The following MTMR8 variants were observed in gnomAD, a reference collection of about 807,000 sequenced individuals.
The protein encoded by MTMR8 is phosphatidylinositol-3,5-bisphosphate 3-phosphatase MTMR8.
In MTMR8, 65 loss-of-function variants were observed where a neutral mutation model predicts 39.3. The ratio of observed to expected loss-of-function variants is 1.65; its 90% CI spans 1.35 to 2.03. MTMR8 has a LOEUF of 2.03. Among genes scored for constraint, MTMR8 ranks in the 30% most tolerant of loss-of-function variants. The pLI is 0.00. For synonymous variants in MTMR8, 245 were observed against 185.2 expected (o/e 1.32, Z -2.62); for missense variants, 777 against 538.9 (o/e 1.44, Z -4.37).
intron 12 of MTMR8, among the ~76,000 whole-genome samples, chrX:64,314,453 T>A (rs777102536): frequency 7.1e-5 from 8 of 112,125 alleles, no homozygotes; most frequent in Non-Finnish European, 1.3e-4. Flanking sequence ...AGGGCACTGG[T>A]GGGTGCAGGA....
chrX:64,278,460 GTTTTTTTTTTTT>G lies in MTMR8; in HGVS notation c.1482-7399_1482-7388del, dbSNP rs56132040. 6.5e-4 allele frequency among the ~76,000 whole-genome samples: 16 copies of G among 24,692 alleles called. No homozygotes were observed. The East Asian group carries it at 0.028, about 43-fold the overall frequency. 21.4% of individuals were successfully genotyped at this position (24,692 alleles called of 115,157 possible). A position where few individuals can be genotyped will look rare whatever the true frequency, so the allele number is the denominator to read the frequency against. On this transcript the variant is annotated intron_variant, in intron 12 of 13. Coordinates refer to ENST00000374852, the MANE Select transcript of MTMR8 (RefSeq NM_017677.4). Reference sequence around the variant, plus strand: ...GATGTTGATGCTATTTATTTTGCTGGTTTTTTTTTTTTTTTTTTTTTTTTTTTTTTTGAGATG... The same window carrying G: ...GATGTTGATGCTATTTATTTTGCTGGTTTTTTTTTTTTTTTTTTTGAGATG...
intron 1 of MTMR8, among the ~76,000 whole-genome samples, chrX:64,387,093 C>A (rs1924579691): frequency 9.0e-6 from 1 of 111,037 alleles, no homozygotes; most frequent in Admixed American, 9.5e-5. Flanking sequence ...CCCTGCTAGA[C>A]AAAGTGTATT....
intron 1 of MTMR8, among the ~76,000 whole-genome samples, chrX:64,378,388 T>C (rs1186936068): frequency 9.0e-6 from 1 of 111,288 alleles, no homozygotes; most frequent in Non-Finnish European, 1.9e-5. Flanking sequence ...GCCAACATAA[T>C]TTTTTAACTT....
intron 12 of MTMR8, among the ~76,000 whole-genome samples, chrX:64,301,080 T>A (rs1245223319): frequency 9.4e-5 from 10 of 105,924 alleles, no homozygotes; most frequent in African/African-American, 3.4e-4. Context: ...TTGAGGAGTA[T>A]CTTTGTGGCG....
chrX:64,373,847 G>C, intron 1 of MTMR8, among the ~76,000 whole-genome samples: 1 of 111,282 alleles, frequency 9.0e-6, no homozygotes, highest in Non-Finnish European at 1.9e-5. Flanking sequence ...GGAACTTCCT[G>C]CCAAAGTAAC....
chrX:64,330,752 G>T (rs779657398), intron 11 of MTMR8, among the ~76,000 whole-genome samples: 5 of 111,779 alleles, frequency 4.5e-5, no homozygotes, highest in Non-Finnish European at 7.5e-5. Flanking sequence ...CAACAAGAGT[G>T]AGTTTGCCTC....
chrX:64,271,741 A>G (rs1332945112), intron 12 of MTMR8, among the ~76,000 whole-genome samples: 1 of 112,020 alleles, frequency 8.9e-6, no homozygotes, highest in African/African-American at 3.2e-5. Flanking sequence ...CACCTGTTTC[A>G]AAGAGTTGAA....
chrX:64,279,137 G>A (rs948001216), intron 12 of MTMR8, among the ~76,000 whole-genome samples: 2 of 111,935 alleles, frequency 1.8e-5, no homozygotes, highest in South Asian at 7.5e-4. Flanking sequence ...CTGGCAGGCA[G>A]GAACACTTAA....
At chrX:64,277,567 C>T (rs1430106099) in intron 12 of MTMR8, among the ~76,000 whole-genome samples, 1 of 111,744 alleles carries the variant, frequency 8.9e-6, no homozygotes, top group Non-Finnish European at 1.9e-5. Context: ...GAATATTGGC[C>T]CCCACTCTCT....
At chrX:64,308,880 C>T (rs1922210414) in intron 12 of MTMR8, among the ~76,000 whole-genome samples, 3 of 111,458 alleles carry the variant, frequency 2.7e-5, no homozygotes. Flanking sequence ...GTTGAATTGT[C>T]TTTGTTCCTT....
intron 1 of MTMR8, among the ~76,000 whole-genome samples, chrX:64,390,355 A>G (rs1924662004): frequency 8.9e-6 from 1 of 112,332 alleles, no homozygotes; most frequent in Non-Finnish European, 1.9e-5. Flanking sequence ...ATTTTTTATT[A>G]TTACTATCCA....
chrX:64,302,538 C>T (rs375845288), intron 12 of MTMR8, among the ~76,000 whole-genome samples: 94 of 112,186 alleles, frequency 8.4e-4, no homozygotes, highest in African/African-American at 2.0e-3. Context: ...GCGTCGCTCA[C>T]GCTGGGAGCT....
chrX:64,379,643 C>T (rs946831590), intron 1 of MTMR8, among the ~76,000 whole-genome samples: 1 of 111,225 alleles, frequency 9.0e-6, no homozygotes, highest in African/African-American at 3.3e-5. Flanking sequence ...TCCTTATAAC[C>T]CAGTCACATT....
chrX:64,367,537 A>G (rs1251632731), intron 1 of MTMR8, among the ~76,000 whole-genome samples: 1 of 112,172 alleles, frequency 8.9e-6, no homozygotes, highest in Non-Finnish European at 1.9e-5. Context: ...GATGCAGAAA[A>G]GGCCTTTGAC....
chrX:64,336,460 AG>A (rs1468238551), intron 9 of MTMR8, among the ~76,000 whole-genome samples: 2 of 108,200 alleles, frequency 1.8e-5, no homozygotes, highest in Non-Finnish European at 3.8e-5. Context: ...GGCAGCTCTT[AG>A]CTTTATACCA....
intron 1 of MTMR8, among the ~76,000 whole-genome samples, chrX:64,391,277 A>G (rs765153045): frequency 2.4e-4 from 27 of 112,154 alleles, no homozygotes; most frequent in African/African-American, 8.1e-4. Context: ...GTGTTAAAAC[A>G]TTCCTTAATG....
rs760389969 is a variant in MTMR8 at position 64,331,706 on chromosome X, C to G, written c.1203G>C (p.Gln401His). Reference protein sequence around the residue: ...DSKEVSPIFTQFLDCIWQLME... With the variant: ...DSKEVSPIFTHFLDCIWQLME... ...TTAATTGCCAGATACAGTCTAGGAA[C>G]TGGGTGAAGATAGGGGACACTTCTT... The change falls in exon 11 of 14, where the codon CAG becomes CAC. Residue 401 changes from glutamine to histidine, a missense_variant. Gln to His is a conservative substitution (Grantham distance 24). Transcript: ENST00000374852. 6.9e-5 allele frequency: 83 copies of G among 1,210,820 alleles called. No homozygotes were observed. The highest frequency in any genetic ancestry group is 8.8e-5 in the Non-Finnish European group (79 of 894,896).
At chrX:64,311,662 A>G (rs1162066545) in intron 12 of MTMR8, among the ~76,000 whole-genome samples, 1 of 111,145 alleles carries the variant, frequency 9.0e-6, no homozygotes, top group African/African-American at 3.3e-5. Context: ...ATCTGGAATT[A>G]ATTTTTGTAT....
intron 12 of MTMR8, among the ~76,000 whole-genome samples, chrX:64,281,537 T>C (rs764878028): frequency 2.9e-4 from 33 of 111,976 alleles, no homozygotes; most frequent in African/African-American, 6.5e-4. Context: ...TTATACCTTA[T>C]ACAAAAATTA....
Sources: gnomAD v4.1 joint callset for allele counts (sites outside exome capture counted in the v4.1 genomes callset) on GRCh38, gnomAD v4.1.1 for gene constraint, MANE v1.5 for transcripts, NCBI Gene and HGNC (gene_info 2026-07-23, HGNC 2026-07-21) for gene names.